The following TCF20 variants were observed in gnomAD, a reference collection of about 807,000 sequenced individuals.
TCF20 encodes the protein SPRE-binding protein.
Under a neutral mutation model 148.6 loss-of-function variants are expected in TCF20, and 3 were observed. The observed-to-expected ratio is 0.02, with a 90% CI of 0.01 to 0.05. The LOEUF (loss-of-function observed/expected upper bound fraction) is 0.05, where lower values mean the gene tolerates loss of function less well. Among genes scored for constraint, TCF20 ranks in the 10% least tolerant of loss-of-function variants. The probability of loss-of-function intolerance (pLI) is 1.00; values close to 1 mark genes in which losing one functional copy is unlikely to be tolerated. For missense variants in TCF20, 2,350 were observed against 2,429.3 expected (o/e 0.97, Z 0.69); for synonymous variants, 1,049 against 909.5 (o/e 1.15, Z -2.76).
rs557551777 is a variant in TCF20, at chr22:42,221,597, T to C, written c.-36-6256A>G. Among the ~76,000 whole-genome samples the C allele has an allele frequency of 1.2e-4, 19 of 152,056 alleles. No individual in the cohort carries two copies. The South Asian group carries it at 3.5e-3, about 28-fold the overall frequency. ...AAACACTTAGAAATGTCAGACAAAA[T>C]GTATAGCCAAGTTGCAAGAAAGTAA... On this transcript the variant is annotated intron_variant, in intron 1 of 5. Coordinates refer to ENST00000677622, the MANE Select transcript of TCF20 (RefSeq NM_001378418.1).
chr22:42,242,224 A>AAAAAAAAAAAAAAAAC (rs1555942548), intron 1 of TCF20, among the ~76,000 whole-genome samples: 3 of 147,692 alleles, frequency 2.0e-5, no homozygotes, highest in African/African-American at 7.9e-5. Context: ...AAAAAAAAAA[A>AAAAAAAAAAAAAAAAC]AAACAGAAAA....
chr22:42,343,423 C>T (rs1928202693), intron 1 of TCF20: 1 of 151,884 alleles, frequency 6.6e-6, no homozygotes, highest in East Asian at 1.9e-4. Flanking sequence ...GGGCATCGGG[C>T]CCCAGGGGCT....
rs1464681089 is a variant in TCF20 at position 42,214,694 on chromosome 22, G to A, written c.612C>T (p.Ser204=). 1.2e-6 allele frequency: 2 copies of A among 1,614,172 alleles called. No individual in the cohort carries two copies. Among genetic ancestry groups the A allele is most frequent in the South Asian group, 2.2e-5 (2 of 91,092 alleles). Residue 204 remains serine (S), a synonymous_variant, in exon 2 of 6, where the codon AGC becomes AGT. Coordinates refer to ENST00000677622, the MANE Select transcript of TCF20 (RefSeq NM_001378418.1). ...LPQATGQPAS[S]SSHLQPMQRP... ...GCTGCATTGGCTGTAGATGGGATGA[G>A]CTGGATGCTGGTTGGCCAGTGGCCT...
In TCF20 at chr22:42,209,696, G is replaced by A; in HGVS notation, c.5610C>T (p.Gly1870=). 1.2e-6 allele frequency: 2 copies of A among 1,614,172 alleles called. No individual in the cohort carries two copies. Among genetic ancestry groups the A allele is most frequent in the Non-Finnish European group, 1.7e-6 (2 of 1,180,026 alleles). ...LWANGIYLVC[G]RLYGLQEALE... ...GCGCTTCCTGCAGGCCATAGAGCCT[G>A]CCACAAACCAGGTAGATTCCATTGG... Residue 1870 remains glycine (G), a synonymous_variant, in exon 2 of 6, where the codon GGC becomes GGT. Coordinates refer to ENST00000677622, the MANE Select transcript of TCF20 (RefSeq NM_001378418.1).
At chr22:42,282,979 C>CG (rs1487925466) in intron 1 of TCF20, among the ~76,000 whole-genome samples, 2 of 152,252 alleles carry the variant, frequency 1.3e-5, no homozygotes, top group Admixed American at 1.3e-4. Flanking sequence ...CTCCTTTTCC[C>CG]GGGAAACCAC....
At chr22:42,197,140 CAT>C (rs1433245790) in intron 2 of TCF20, among the ~76,000 whole-genome samples, 5 of 152,120 alleles carry the variant, frequency 3.3e-5, no homozygotes, top group African/African-American at 1.2e-4. Context: ...TAAACCAACA[CAT>C]GAGGACACAA....
intron 1 of TCF20, among the ~76,000 whole-genome samples, chr22:42,337,616 C>T (rs1417952560): frequency 6.6e-6 from 1 of 152,238 alleles, no homozygotes; most frequent in East Asian, 1.9e-4. Flanking sequence ...CCTGCCTGAT[C>T]CTTCTCCTGC....
chr22:42,270,460 G>C lies in TCF20; in HGVS notation c.-158C>G, dbSNP rs1213947956. ...GGGGTGGCTCCGCCGCCTCCAGCTC[G>C]GGCGCCCGGGCCGGCGGCGGGGCGG... On this transcript the variant is annotated 5_prime_UTR_variant, in exon 1 of 6. Coordinates refer to ENST00000677622, the MANE Select transcript of TCF20 (RefSeq NM_001378418.1). Among the ~76,000 whole-genome samples, 14 of 144,392 alleles carry C rather than the reference G, an allele frequency of 9.7e-5. No homozygotes were observed. The highest frequency in any genetic ancestry group is 3.1e-5 in the Non-Finnish European group (2 of 65,020). The allele number at this position is 144,392 out of a possible 152,430, so 94.7% of individuals were successfully genotyped here.
At chr22:42,197,252 A>C (rs994930112) in intron 2 of TCF20, among the ~76,000 whole-genome samples, 1 of 152,084 alleles carries the variant, frequency 6.6e-6, no homozygotes, top group Non-Finnish European at 1.5e-5. Context: ...CAAGGAGGCT[A>C]CTTGATTTCC....
upstream of TCF20, among the ~76,000 whole-genome samples, chr22:42,287,265 CATT>C (rs1262211245): frequency 6.6e-6 from 1 of 152,138 alleles, no homozygotes; most frequent in East Asian, 1.9e-4. Flanking sequence ...GTTCTGGACA[CATT>C]ATTGTTGGGG....
At chr22:42,176,495 T>C (rs906485200) in intron 3 of TCF20, among the ~76,000 whole-genome samples, 3 of 152,150 alleles carry the variant, frequency 2.0e-5, no homozygotes, top group African/African-American at 7.2e-5. Flanking sequence ...CCCCTTCCCA[T>C]CAAATTCAAA....
chr22:42,255,584 C>G (rs983661992), intron 1 of TCF20, among the ~76,000 whole-genome samples: 2 of 152,078 alleles, frequency 1.3e-5, no homozygotes, highest in African/African-American at 4.8e-5. Flanking sequence ...GCTTGCCGAC[C>G]TGTTTTGGAA....
At chr22:42,208,471 A>G (rs1223447480) in intron 2 of TCF20, among the ~76,000 whole-genome samples, 5 of 152,218 alleles carry the variant, frequency 3.3e-5, no homozygotes, top group African/African-American at 9.6e-5. Context: ...TGCAAAAAAT[A>G]TAAATATTAG....
intron 2 of TCF20, among the ~76,000 whole-genome samples, chr22:42,180,352 C>T (rs1936710068): frequency 6.6e-6 from 1 of 152,088 alleles, no homozygotes; most frequent in South Asian, 2.1e-4. Flanking sequence ...CTAAGTGAGA[C>T]ATTATTTTGT....
intron 1 of TCF20, among the ~76,000 whole-genome samples, chr22:42,281,890 C>G (rs73886009): frequency 1.3e-5 from 2 of 152,128 alleles, no homozygotes; most frequent in Non-Finnish European, 2.9e-5. Context: ...AGAGGGGAGG[C>G]CTTAAGTGTC....
intron 1 of TCF20, among the ~76,000 whole-genome samples, chr22:42,218,395 G>T (rs2143139): frequency 2.0e-5 from 3 of 151,916 alleles, no homozygotes; most frequent in African/African-American, 7.3e-5. Context: ...CTCTTCACCC[G>T]CTCCCCATCA....
At chr22:42,307,515 T>C (rs1393462737) in intron 1 of TCF20, among the ~76,000 whole-genome samples, 1 of 152,216 alleles carries the variant, frequency 6.6e-6, no homozygotes, top group East Asian at 1.9e-4. Context: ...GACTAAGGTG[T>C]GGATGACTGA....
chr22:42,166,104 G>A (rs1345243002), intron 5 of TCF20, among the ~76,000 whole-genome samples: 1 of 152,328 alleles, frequency 6.6e-6, no homozygotes, highest in African/African-American at 2.4e-5. Context: ...TGTCACTGCT[G>A]AACTGGGAAA....
At chr22:42,206,483 ACAAGAGG>A (rs200442377) in intron 2 of TCF20, among the ~76,000 whole-genome samples, 9,000 of 152,276 alleles carry the variant, frequency 0.059, 874 homozygotes, top group African/African-American at 0.2. Context: ...CTCAACTTTG[ACAAGAGG>A]ATGATTAACG....
Sources: allele counts gnomAD v4.1 joint callset (sites outside exome capture counted in the v4.1 genomes callset), GRCh38; gene constraint gnomAD v4.1.1; transcripts MANE v1.5; gene names NCBI Gene and HGNC (gene_info 2026-07-23, HGNC 2026-07-21).